Variants in BNC2 observed in about 807,000 individuals in gnomAD.
BNC2 encodes the protein zinc finger protein basonuclin-2.
BNC2 carries 20 observed loss-of-function variants against 76.3 expected under a neutral mutation model. The observed-to-expected ratio is 0.26, with a 90% CI of 0.18 to 0.38. BNC2 has a LOEUF of 0.38. Among genes scored for constraint, BNC2 ranks in the 10% least tolerant of loss-of-function variants. The pLI, the probability that BNC2 is intolerant of heterozygous loss-of-function variation, is 1.00. For missense variants in BNC2, 1,382 were observed against 1,399.8 expected, an observed-to-expected ratio of 0.99 and a Z score of 0.20; for synonymous variants, 582 against 514.8, an observed-to-expected ratio of 1.13 and a Z score of -1.77.
intron 3 of BNC2, among the ~76,000 whole-genome samples, chr9:16,712,413 T>C (rs1587343215): frequency 6.6e-6 from 1 of 152,192 alleles, no homozygotes; most frequent in Non-Finnish European, 1.5e-5. Context: ...GAAATGAAGC[T>C]TTATAAGATT....
chr9:16,696,503 G>C (rs1000775964), intron 3 of BNC2, among the ~76,000 whole-genome samples: 6 of 152,032 alleles, frequency 3.9e-5, no homozygotes, highest in Non-Finnish European at 8.8e-5. Context: ...GGATGAAAGG[G>C]ATCTCATCGT....
intron 3 of BNC2, among the ~76,000 whole-genome samples, chr9:16,642,376 G>C (rs1225451107): frequency 6.6e-6 from 1 of 152,112 alleles, no homozygotes; most frequent in Non-Finnish European, 1.5e-5. Context: ...CTTTCAGGTG[G>C]CACTAGCATT....
At chr9:16,721,110 C>T (rs1824143498) in intron 3 of BNC2, among the ~76,000 whole-genome samples, 1 of 152,174 alleles carries the variant, frequency 6.6e-6, no homozygotes, top group Non-Finnish European at 1.5e-5. Context: ...TGTGGGGACC[C>T]TGGATGTCAT....
intron 3 of BNC2, among the ~76,000 whole-genome samples, chr9:16,616,318 G>A (rs563771052): frequency 1.3e-5 from 2 of 151,642 alleles, no homozygotes; most frequent in South Asian, 2.1e-4. Context: ...CTTGAGCCTC[G>A]GATGTTGAGA....
At chr9:16,700,642 A>G (rs1366660591) in intron 3 of BNC2, among the ~76,000 whole-genome samples, 1 of 152,100 alleles carries the variant, frequency 6.6e-6, no homozygotes, top group Non-Finnish European at 1.5e-5. Flanking sequence ...TTTACCCCAC[A>G]GTCTTTCATA....
At chr9:16,521,696 TA>T (rs1234660401) in intron 5 of BNC2, among the ~76,000 whole-genome samples, 4 of 152,154 alleles carry the variant, frequency 2.6e-5, no homozygotes, top group Non-Finnish European at 5.9e-5. Context: ...TGAGATTCCT[TA>T]AAAGTGCTAC....
At chr9:16,469,094 T>G (rs1339495145) in intron 5 of BNC2, among the ~76,000 whole-genome samples, 3 of 152,212 alleles carry the variant, frequency 2.0e-5, no homozygotes, top group Non-Finnish European at 4.4e-5. Flanking sequence ...CTTTTTATAT[T>G]TTAAACACTG....
intron 3 of BNC2, among the ~76,000 whole-genome samples, chr9:16,658,629 G>A (rs1443093125): frequency 6.6e-6 from 1 of 152,048 alleles, no homozygotes; most frequent in African/African-American, 2.4e-5. Context: ...CAAATTCTGG[G>A]AAAGATCATA....
At chr9:16,567,232 A>G (rs1306848202) in intron 4 of BNC2, among the ~76,000 whole-genome samples, 1 of 152,242 alleles carries the variant, frequency 6.6e-6, no homozygotes, top group Non-Finnish European at 1.5e-5. Context: ...CATAAGGACA[A>G]CAGCTGAGAT....
intron 5 of BNC2, among the ~76,000 whole-genome samples, chr9:16,462,786 G>C (rs1404958773): frequency 6.6e-6 from 1 of 152,090 alleles, no homozygotes; most frequent in Non-Finnish European, 1.5e-5. Flanking sequence ...TTGACAAAGA[G>C]ATGCCCCTCC....
At chr9:16,537,793 A>T (rs1398804757) in intron 5 of BNC2, among the ~76,000 whole-genome samples, 1 of 152,172 alleles carries the variant, frequency 6.6e-6, no homozygotes, top group Non-Finnish European at 1.5e-5. Context: ...GGAAACCACA[A>T]CTTATGCTCA....
chr9:16,814,050 A>C (rs1270374830), intron 1 of BNC2, among the ~76,000 whole-genome samples: 1 of 152,216 alleles, frequency 6.6e-6, no homozygotes, highest in Non-Finnish European at 1.5e-5. Flanking sequence ...TGCTAGAAGC[A>C]GAAGAATGGT....
At chr9:16,842,727 T>C (rs559485128) in intron 1 of BNC2, among the ~76,000 whole-genome samples, 1 of 152,328 alleles carries the variant, frequency 6.6e-6, no homozygotes, top group South Asian at 2.1e-4. Context: ...TTTCTGACTC[T>C]TGTGTAAGCC....
At chr9:16,588,380 A>C (rs1443636202) in intron 3 of BNC2, among the ~76,000 whole-genome samples, 1 of 152,204 alleles carries the variant, frequency 6.6e-6, no homozygotes, top group East Asian at 1.9e-4. Flanking sequence ...GACATACATA[A>C]TACCATATTA....
chr9:16,753,449 A>T (rs1586856239), intron 1 of BNC2, among the ~76,000 whole-genome samples: 1 of 152,252 alleles, frequency 6.6e-6, no homozygotes, highest in East Asian at 1.9e-4. Flanking sequence ...AGCAAATTAC[A>T]AAACTTATCA....
At chr9:16,580,641 A>C (rs1819607594) in intron 4 of BNC2, among the ~76,000 whole-genome samples, 1 of 152,190 alleles carries the variant, frequency 6.6e-6, no homozygotes, top group Non-Finnish European at 1.5e-5. Flanking sequence ...TTAAATAGAT[A>C]AAACAAACTG....
chr9:16,819,820 T>C (rs1818274660), intron 1 of BNC2, among the ~76,000 whole-genome samples: 1 of 151,906 alleles, frequency 6.6e-6, no homozygotes, highest in Non-Finnish European at 1.5e-5. Context: ...TGTATTTTTT[T>C]TTTATCTCTA....
chr9:16,600,221 G>C (rs900252884), intron 3 of BNC2, among the ~76,000 whole-genome samples: 1 of 152,146 alleles, frequency 6.6e-6, no homozygotes, highest in Non-Finnish European at 1.5e-5. Flanking sequence ...TGTTCTACTT[G>C]AGTGAATCAT....
At chr9:16,492,422 T>A (rs1270931074) in intron 5 of BNC2, among the ~76,000 whole-genome samples, 1 of 152,208 alleles carries the variant, frequency 6.6e-6, no homozygotes, top group Non-Finnish European at 1.5e-5. Flanking sequence ...TAAAAATGCT[T>A]AAAACATGTA....
Sources: gnomAD v4.1 joint callset for allele counts (sites outside exome capture counted in the v4.1 genomes callset) on GRCh38, gnomAD v4.1.1 for gene constraint, MANE v1.5 for transcripts, NCBI Gene and HGNC (gene_info 2026-07-23, HGNC 2026-07-21) for gene names.